The following CALB2 variants were observed in gnomAD, a reference collection of about 807,000 sequenced individuals.
CALB2 encodes calbindin 2.
A neutral mutation model predicts 45.9 loss-of-function variants in CALB2; 34 were observed. The observed-to-expected ratio is 0.74, with a 90% CI of 0.56 to 0.99. The LOEUF (loss-of-function observed/expected upper bound fraction) is 0.99. CALB2 is among the 50% of genes least tolerant of loss of function. The probability of loss-of-function intolerance (pLI) is 0.00; values close to 1 mark genes in which losing one functional copy is unlikely to be tolerated. For missense variants in CALB2, 344 were observed against 339.3 expected (o/e 1.01, Z -0.11); for synonymous variants, 142 against 129.6 (o/e 1.10, Z -0.65).
chr16:71,383,533 C>T, intron 6 of CALB2, 89 bp downstream of exon 6: 1 of 1,190,328 alleles, frequency 8.4e-7, no homozygotes, highest in African/African-American at 1.5e-5. Context: ...CCCTTGTTTG[C>T]TGATTCTTCA....
chr16:71,376,749 C>T (rs941845329), intron 3 of CALB2, among the ~76,000 whole-genome samples: 1 of 151,660 alleles, frequency 6.6e-6, no homozygotes, highest in African/African-American at 2.4e-5. Context: ...CCACACACAC[C>T]CCCATACAAC....
At chr16:71,369,212 G>A (rs370956195) in intron 1 of CALB2, among the ~76,000 whole-genome samples, 53 of 152,332 alleles carry the variant, frequency 3.5e-4, no homozygotes, top group African/African-American at 1.1e-3. Flanking sequence ...CCAGCGCTGC[G>A]AGTGTATTAT....
rs143234572 is a variant in CALB2, at chr16:71,383,443, T to C, written c.476T>C (p.Ile159Thr). 38 of 1,613,736 alleles carry C rather than the reference T, an allele frequency of 2.4e-5. No individual in the cohort carries two copies. Among genetic ancestry groups the C allele is most frequent in the Admixed American group, 5.0e-5 (3 of 59,986 alleles). ...AAGCTCCAGGAATACACCCAAACCATAGTGAGTGAACAGAAGTGTCCCTCT... is the reference window on the plus strand; with the variant it reads ...AAGCTCCAGGAATACACCCAAACCACAGTGAGTGAACAGAAGTGTCCCTCT... ...EPKLQEYTQT[I>T]LRMFDLNGDG... The change falls in exon 6 of 11, where the codon ATA becomes ACA. Residue 159 changes from isoleucine (I) to threonine (T), a missense_variant and splice_region_variant. By Grantham distance (89) the Ile-to-Thr change is moderately conservative. This residue lies in a region of CALB2 where 263 missense variants were observed against 241.7 expected (regional missense o/e 1.09). Coordinates refer to ENST00000302628, the MANE Select transcript of CALB2 (RefSeq NM_001740.5).
intron 3 of CALB2, among the ~76,000 whole-genome samples, chr16:71,377,221 G>C (rs1011135651): frequency 2.6e-5 from 4 of 152,150 alleles, no homozygotes; most frequent in African/African-American, 9.7e-5. Flanking sequence ...CTTGAGTTTA[G>C]ATTTTAGGCC....
chr16:71,365,496 C>A (rs1014077517), intron 1 of CALB2, among the ~76,000 whole-genome samples: 3 of 152,154 alleles, frequency 2.0e-5, no homozygotes, highest in Non-Finnish European at 4.4e-5. Context: ...ATATGTCTGG[C>A]CTAGACCAAA....
intron 9 of CALB2, among the ~76,000 whole-genome samples, chr16:71,385,111 AG>A (rs1401164930): frequency 6.6e-6 from 1 of 152,170 alleles, no homozygotes; most frequent in African/African-American, 2.4e-5. Context: ...CGGGAGCCAA[AG>A]GGAAGAGACA....
chr16:71,360,773 C>A (rs1402628650), intron 1 of CALB2, among the ~76,000 whole-genome samples: 7 of 152,212 alleles, frequency 4.6e-5, no homozygotes, highest in Admixed American at 6.5e-5. Flanking sequence ...GGCTGCTGGG[C>A]AGACCATGAC....
In CALB2 at chr16:71,368,933, G is replaced by T. The variant is rs966231346; in HGVS notation, c.95-3220G>T. Reference sequence around the variant, plus strand: ...TCAAACCTTTCTAGAAAAAAAGATGGAGTAAAAATAAATACTTATTCTAAG... The same window carrying T: ...TCAAACCTTTCTAGAAAAAAAGATGTAGTAAAAATAAATACTTATTCTAAG... On this transcript the variant is annotated intron_variant, in intron 1 of 10. Transcript: ENST00000302628. Among the ~76,000 whole-genome samples, 3 of 152,104 alleles carry T rather than the reference G, an allele frequency of 2.0e-5. No homozygotes were observed. The East Asian group carries it at 5.8e-4, about 29-fold the overall frequency.
intron 10 of CALB2, among the ~76,000 whole-genome samples, chr16:71,386,633 G>A (rs1220390496): frequency 6.6e-6 from 1 of 152,206 alleles, no homozygotes; most frequent in African/African-American, 2.4e-5. Flanking sequence ...CTTTGCAGCT[G>A]TCTTCGTTCA....
Position 71,358,851 on chromosome 16 carries a change from AG to A in CALB2, c.60del (p.Gln20HisfsTer22). 8 of 1,613,244 alleles carry A rather than the reference AG, an allele frequency of 5.0e-6. No homozygotes were observed. The highest frequency in any genetic ancestry group is 6.8e-6 in the Non-Finnish European group (8 of 1,179,828). ...CACCTGGCCGAGCTGACGGCGTCCC[AG>A]TTCCTGGAAATATGGAAGCACTTTG... ...YLHLAELTAS[Q>X]FLEIWKHFDA... On this transcript the variant is annotated frameshift_variant, in exon 1 of 11. Transcript: ENST00000302628. LOFTEE classifies it high-confidence loss of function.
chr16:71,385,438 AT>A, intron 9 of CALB2, 138 bp from the exon 10 acceptor site: 1 of 588,098 alleles, frequency 1.7e-6, no homozygotes, highest in South Asian at 2.9e-5. Flanking sequence ...GGGACACATT[AT>A]TTTGTCATTA....
At chr16:71,364,213 C>G (rs1379277158) in intron 1 of CALB2, among the ~76,000 whole-genome samples, 3 of 152,170 alleles carry the variant, frequency 2.0e-5, no homozygotes, top group Admixed American at 6.5e-5. Flanking sequence ...CTGTGAAGAG[C>G]TGGGGCTCCC....
intron 10 of CALB2, among the ~76,000 whole-genome samples, chr16:71,389,154 C>T (rs1476256227): frequency 6.6e-6 from 1 of 152,016 alleles, no homozygotes; most frequent in Admixed American, 6.6e-5. Flanking sequence ...TGTCACTTCA[C>T]TCCCGTCTAG....
At chr16:71,384,519 AACAC>A (rs1032740992) in intron 8 of CALB2, 141 bp downstream of exon 8, 6 of 716,488 alleles carry the variant, frequency 8.4e-6, no homozygotes, top group Non-Finnish European at 1.2e-5. Flanking sequence ...CCACACACAC[AACAC>A]ACACAGATCA....
intron 4 of CALB2, among the ~76,000 whole-genome samples, chr16:71,381,754 C>T (rs1226420671): frequency 6.6e-5 from 10 of 151,980 alleles, no homozygotes; most frequent in Non-Finnish European, 1.3e-4. Flanking sequence ...TGGCTCATGC[C>T]TGTAATCCCA....
Position 71,382,704 on chromosome 16 carries a change from T to C in CALB2, c.343-15T>C. On this transcript the variant is annotated splice_polypyrimidine_tract_variant and intron_variant, in intron 4 of 10. Transcript: ENST00000302628. ...ATACGTCTTTGCAAAGAGGTTGACA[T>C]TCCTGTTGTTGCAGGCTTGGCGGAA... The C allele has an allele frequency of 6.2e-7, 1 of 1,610,276 alleles. No individual in the cohort carries two copies. The highest frequency in any genetic ancestry group is 8.5e-7 in the Non-Finnish European group (1 of 1,178,484).
chr16:71,358,751 G>A lies in CALB2; in HGVS notation c.-42G>A, dbSNP rs888694248. On this transcript the variant is annotated 5_prime_UTR_variant, in exon 1 of 11. Coordinates refer to ENST00000302628, the MANE Select transcript of CALB2 (RefSeq NM_001740.5). ...GCGAGTGCCAGAGCCCAGCCGGCGC[G>A]GAGCGGGAGCGGTGCAGGCTGAGGT... 2.0e-6 allele frequency: 3 copies of A among 1,506,736 alleles called. No homozygotes were observed. The highest frequency in any genetic ancestry group is 4.7e-5 in the East Asian group (2 of 42,198). 93.3% of individuals were successfully genotyped at this position (1,506,736 alleles called of 1,614,324 possible).
At chr16:71,388,791 G>A (rs2042601120) in intron 10 of CALB2, among the ~76,000 whole-genome samples, 1 of 150,802 alleles carries the variant, frequency 6.6e-6, no homozygotes, top group Non-Finnish European at 1.5e-5. Flanking sequence ...AACCAGCCTG[G>A]CCAACATGGT....
At chr16:71,386,746 A>T (rs1375563658) in intron 10 of CALB2, among the ~76,000 whole-genome samples, 3 of 152,256 alleles carry the variant, frequency 2.0e-5, no homozygotes, top group South Asian at 2.1e-4. Context: ...GCCTTGGCTG[A>T]CAAGCAAGAG....
Sources: allele counts gnomAD v4.1 joint callset (sites outside exome capture counted in the v4.1 genomes callset), GRCh38; gene constraint gnomAD v4.1.1; regional missense constraint gnomAD v4.1.1; transcripts MANE v1.5; gene names NCBI Gene and HGNC (gene_info 2026-07-23, HGNC 2026-07-21).